Variants in SNX29 observed in about 807,000 individuals in gnomAD.
The protein encoded by SNX29 is sorting nexin 29.
Under a neutral mutation model 102.1 loss-of-function variants are expected in SNX29, and 78 were observed. The observed-to-expected ratio is 0.76, with a 90% confidence interval of 0.64 to 0.92. The LOEUF is 0.92. Among genes scored for constraint, SNX29 ranks in the 40% least tolerant of loss-of-function variants. The pLI is 0.00. For synonymous variants in SNX29, 580 were observed against 414.5 expected (o/e 1.40, Z -4.85); for missense variants, 1,280 against 1,061.7 (o/e 1.21, Z -2.86).
At chr16:12,384,479 A>AT (rs2083280763) in intron 16 of SNX29, among the ~76,000 whole-genome samples, 1 of 152,178 alleles carries the variant, frequency 6.6e-6, no homozygotes, top group Non-Finnish European at 1.5e-5. Context: ...TGATTGGAGC[A>AT]CCTTTTCATA....
chr16:12,128,819 G>C (rs1041947378), intron 12 of SNX29, among the ~76,000 whole-genome samples: 11 of 113,624 alleles, frequency 9.7e-5, no homozygotes, highest in African/African-American at 2.9e-4. Flanking sequence ...GATGTACCAT[G>C]GTTGGTAATT....
chr16:12,528,790 C>G (rs370547072), intron 20 of SNX29, among the ~76,000 whole-genome samples: 3 of 152,240 alleles, frequency 2.0e-5, no homozygotes, highest in African/African-American at 7.2e-5. Context: ...GGTTTGCACA[C>G]TGTGCCACTG....
chr16:12,561,033 C>T (rs932005904), intron 20 of SNX29: 15 of 221,904 alleles, frequency 6.8e-5, no homozygotes, highest in Non-Finnish European at 1.3e-4. Flanking sequence ...GTCTTGGAGA[C>T]CCATTTCAAA....
intron 18 of SNX29, among the ~76,000 whole-genome samples, chr16:12,435,568 C>T (rs1452578124): frequency 6.6e-6 from 1 of 152,192 alleles, no homozygotes; most frequent in Non-Finnish European, 1.5e-5. Flanking sequence ...ATAGCTGTTT[C>T]AGGACACAGT....
intron 11 of SNX29, among the ~76,000 whole-genome samples, chr16:12,110,225 C>A (rs948050651): frequency 3.9e-5 from 6 of 152,114 alleles, no homozygotes; most frequent in African/African-American, 1.4e-4. Flanking sequence ...CTTGGAGATA[C>A]TTTCCCCTGA....
At chr16:12,074,208 CATT>C (rs1409924750) in intron 10 of SNX29, among the ~76,000 whole-genome samples, 2 of 151,252 alleles carry the variant, frequency 1.3e-5, no homozygotes, top group Admixed American at 1.3e-4. Flanking sequence ...TTGATCCTGT[CATT>C]ATGATGTTAG....
chr16:12,494,076 T>G (rs982118190), intron 19 of SNX29, among the ~76,000 whole-genome samples: 2 of 152,216 alleles, frequency 1.3e-5, no homozygotes, highest in African/African-American at 4.8e-5. Flanking sequence ...TGCCATCCTT[T>G]GTCTACAAAG....
At chr16:12,204,209 C>T (rs2076988896) in intron 14 of SNX29, among the ~76,000 whole-genome samples, 1 of 152,182 alleles carries the variant, frequency 6.6e-6, no homozygotes, top group African/African-American at 2.4e-5. Context: ...TCCAGCTGTG[C>T]CTGGCGTGAC....
Position 12,570,968 on chromosome 16 carries a change from T to C in SNX29, c.*2339T>C, listed in dbSNP as rs985037297. ...ATGGGGACCATCCCCAGCTGCCTGC[T>C]CCTGGTACCTCCCCCATGATCATGC... On this transcript the variant is annotated 3_prime_UTR_variant, in exon 21 of 21. Transcript: ENST00000566228. 4.3e-6 allele frequency: 1 copy of C among 232,296 alleles called. No individual in the cohort carries two copies. The highest frequency in any genetic ancestry group is 2.2e-5 in the African/African-American group (1 of 45,292). The allele number at this position is 232,296 out of a possible 1,614,324, so 14.4% of individuals were successfully genotyped here.
intron 13 of SNX29, among the ~76,000 whole-genome samples, chr16:12,164,680 C>CTTTTTT (rs34046413): frequency 3.3e-5 from 3 of 90,590 alleles, no homozygotes; most frequent in Admixed American, 1.2e-4. Flanking sequence ...TTATTCATGC[C>CTTTTTT]TTTTTTTTTT....
At chr16:12,186,942 G>T (rs1057025926) in intron 13 of SNX29, among the ~76,000 whole-genome samples, 2 of 152,230 alleles carry the variant, frequency 1.3e-5, no homozygotes, top group African/African-American at 4.8e-5. Context: ...CAAGAGAGAT[G>T]TAGCACTCAG....
chr16:12,284,231 AG>A (rs1466558764), intron 15 of SNX29, among the ~76,000 whole-genome samples: 2 of 152,240 alleles, frequency 1.3e-5, no homozygotes, highest in African/African-American at 2.4e-5. Context: ...ATCGCGTGTC[AG>A]ACTGAGTTCA....
intron 19 of SNX29, among the ~76,000 whole-genome samples, 179 bp from the exon 20 acceptor site, chr16:12,524,523 C>T (rs1414308895): frequency 2.0e-5 from 3 of 150,328 alleles, no homozygotes; most frequent in African/African-American, 7.4e-5. Context: ...TCGTGAGCAT[C>T]TTTCTTGTTA....
chr16:12,227,261 A>C (rs1280430251), intron 14 of SNX29, among the ~76,000 whole-genome samples: 2 of 152,240 alleles, frequency 1.3e-5, no homozygotes, highest in Non-Finnish European at 2.9e-5. Context: ...GGTTAGGAAC[A>C]GCCCTGTTTA....
At chr16:11,983,277 A>AC (rs2055468829) in intron 1 of SNX29, among the ~76,000 whole-genome samples, 2 of 127,040 alleles carry the variant, frequency 1.6e-5, no homozygotes, top group Non-Finnish European at 3.2e-5. Flanking sequence ...GGGTCTTACT[A>AC]CGTTACCCAG....
At chr16:12,238,560 G>A (rs1486633145) in intron 14 of SNX29, among the ~76,000 whole-genome samples, 1 of 152,228 alleles carries the variant, frequency 6.6e-6, no homozygotes, top group Non-Finnish European at 1.5e-5. Flanking sequence ...CTGACCTCAA[G>A]TGATCCGCCC....
chr16:12,417,851 T>C (rs1048668793), intron 18 of SNX29, among the ~76,000 whole-genome samples: 2 of 152,136 alleles, frequency 1.3e-5, no homozygotes, highest in Non-Finnish European at 2.9e-5. Flanking sequence ...TCCCTGTTTT[T>C]CTTGAGCCCT....
At chr16:12,105,076 A>G (rs1415871447) in intron 11 of SNX29, among the ~76,000 whole-genome samples, 1 of 152,240 alleles carries the variant, frequency 6.6e-6, no homozygotes, top group African/African-American at 2.4e-5. Context: ...ATTCCAGGGA[A>G]GTCAGCCTCA....
intron 17 of SNX29, among the ~76,000 whole-genome samples, chr16:12,402,057 T>C (rs184825096): frequency 3.6e-4 from 55 of 152,350 alleles, no homozygotes; most frequent in African/African-American, 1.3e-3. Context: ...GAGAATGTTC[T>C]AGGCACTAAT....
Sources: allele counts gnomAD v4.1 joint callset (sites outside exome capture counted in the v4.1 genomes callset), GRCh38; gene constraint gnomAD v4.1.1; transcripts MANE v1.5; gene names NCBI Gene and HGNC (gene_info 2026-07-23, HGNC 2026-07-21).